Variants in DOK5 observed in about 807,000 individuals in gnomAD.
DOK5 encodes docking protein 5, also known as downstream of tyrosine kinase 5.
In DOK5, 27 loss-of-function variants were observed where a neutral mutation model predicts 43.3. The ratio of observed to expected loss-of-function variants is 0.62; its 90% CI spans 0.46 to 0.86. DOK5 has a LOEUF of 0.86. DOK5 is among the 40% of genes least tolerant of loss of function. The pLI, the probability that DOK5 is intolerant of heterozygous loss-of-function variation, is 0.00. For synonymous variants in DOK5, 146 were observed against 140.1 expected (o/e 1.04, Z -0.30); for missense variants, 373 against 392.9 (o/e 0.95, Z 0.43).
At chr20:54,533,406 A>G (rs1279190044) in intron 1 of DOK5, among the ~76,000 whole-genome samples, 1 of 152,236 alleles carries the variant, frequency 6.6e-6, no homozygotes, top group Non-Finnish European at 1.5e-5. Context: ...GAACTGGATG[A>G]TGTATTATAA....
intron 1 of DOK5, among the ~76,000 whole-genome samples, chr20:54,499,258 C>CT: frequency 6.6e-6 from 1 of 152,330 alleles, no homozygotes; most frequent in East Asian, 1.9e-4. Context: ...TTTTAATTCT[C>CT]TTTTCACTAA....
chr20:54,580,044 C>T (rs1313128676), intron 2 of DOK5, among the ~76,000 whole-genome samples: 1 of 152,068 alleles, frequency 6.6e-6, no homozygotes, highest in East Asian at 1.9e-4. Context: ...GGTTTTCTTT[C>T]TTGTGACAGT....
At position 54,644,878 on chromosome 20, in the gene DOK5, A is replaced by AAAAT. The variant is rs1555839883; in HGVS notation, c.856+1302_856+1303insATAA. Among the ~76,000 whole-genome samples the AAAAT allele has an allele frequency of 1.4e-4, 21 of 151,618 alleles. No individual in the cohort carries two copies. The Middle Eastern group carries it at 0.01, about 74-fold the overall frequency. On this transcript the variant is annotated intron_variant, in intron 7 of 7. Coordinates refer to ENST00000262593, the MANE Select transcript of DOK5 (RefSeq NM_018431.5). The stretch of plus-strand genomic sequence containing the variant: ...AGCAAAACTCCATCTCAAAAAAAAA[A>AAAAT]AATTCTATTTAAACCTATCCTTTCA...
At chr20:54,589,856 C>T (rs1985927480) in intron 4 of DOK5, among the ~76,000 whole-genome samples, 1 of 152,128 alleles carries the variant, frequency 6.6e-6, no homozygotes, top group South Asian at 2.1e-4. Flanking sequence ...ATGTTATTGA[C>T]CGAGACCTAG....
chr20:54,593,464 C>G (rs1295350355), intron 5 of DOK5, among the ~76,000 whole-genome samples: 1 of 152,076 alleles, frequency 6.6e-6, no homozygotes, highest in African/African-American at 2.4e-5. Context: ...AAAGTTATCA[C>G]AAAAAATAAA....
chr20:54,645,927 A>AAAAAAAAAAAAAAAAT (rs1433394752), intron 7 of DOK5, among the ~76,000 whole-genome samples: 11 of 9,286 alleles, frequency 1.2e-3, no homozygotes, highest in African/African-American at 4.7e-3. Context: ...AGATGCTGCA[A>AAAAAAAAAAAAAAAAT]AAAAAAAAAA....
intron 1 of DOK5, among the ~76,000 whole-genome samples, chr20:54,522,119 G>A (rs1983420312): frequency 1.3e-5 from 2 of 152,138 alleles, no homozygotes; most frequent in South Asian, 4.2e-4. Context: ...CACAGACCAG[G>A]GGTGTCTGAT....
intron 1 of DOK5, among the ~76,000 whole-genome samples, chr20:54,500,177 A>T (rs1982543023): frequency 6.6e-6 from 1 of 152,230 alleles, no homozygotes; most frequent in Admixed American, 6.5e-5. Context: ...GAAAAAACAA[A>T]GGAAGAAGAT....
At chr20:54,534,935 C>T (rs748535328) in intron 1 of DOK5, among the ~76,000 whole-genome samples, 35 of 152,166 alleles carry the variant, frequency 2.3e-4, no homozygotes, top group Non-Finnish European at 4.1e-4. Flanking sequence ...CTTCCAGGTT[C>T]AAGCAATTCT....
intron 6 of DOK5, among the ~76,000 whole-genome samples, chr20:54,634,277 A>G (rs896301010): frequency 1.4e-5 from 2 of 144,686 alleles, no homozygotes; most frequent in Non-Finnish European, 3.0e-5. Flanking sequence ...AAGTTTTTAC[A>G]AGGCTTTTAC....
chr20:54,545,318 C>A (rs1984303691), intron 1 of DOK5, among the ~76,000 whole-genome samples: 1 of 152,212 alleles, frequency 6.6e-6, no homozygotes, highest in Non-Finnish European at 1.5e-5. Context: ...CATCTCCACC[C>A]TTGACTTCCA....
chr20:54,547,207 A>T lies in DOK5; in HGVS notation c.67-7726A>T, dbSNP rs113420623. Among the ~76,000 whole-genome samples the T allele has an allele frequency of 8.4e-3, 1,280 of 152,224 alleles. 10 individuals are homozygous for T. Among genetic ancestry groups the T allele is most frequent in the Middle Eastern group, 0.021 (6 of 292 alleles). On this transcript the variant is annotated intron_variant, in intron 1 of 7. Coordinates refer to ENST00000262593, the MANE Select transcript of DOK5 (RefSeq NM_018431.5). ...TATATTCTGTGGCTGCTTTCATGCT[A>T]TATTTGCTGAGTTGAGTAGTTGCAA...
chr20:54,475,896 C>A lies in DOK5; in HGVS notation c.-51C>A. ...ACCCTGCCCTCCACCCTCCCCAGAG[C>A]CACTTCGGGTGCGCGCTCTTGGGTA... is the stretch of plus-strand genomic sequence containing the variant. On this transcript the variant is annotated 5_prime_UTR_variant, in exon 1 of 8. Coordinates refer to ENST00000262593, the MANE Select transcript of DOK5 (RefSeq NM_018431.5). This position sits in a 1 kb window ranked among gnomAD's most constrained non-coding sequence, Gnocchi z 4.2. The A allele has an allele frequency of 7.5e-6, 12 of 1,605,810 alleles. No individual in the cohort carries two copies. Among genetic ancestry groups the A allele is most frequent in the Non-Finnish European group, 1.0e-5 (12 of 1,176,846 alleles).
At chr20:54,551,602 G>A (rs370904225) in intron 1 of DOK5, among the ~76,000 whole-genome samples, 157 of 152,128 alleles carry the variant, frequency 1.0e-3, no homozygotes, top group African/African-American at 3.5e-3. Flanking sequence ...TTAAGTCGAC[G>A]ATTTTTCCAC....
chr20:54,636,726 C>G (rs1285576966), intron 6 of DOK5, among the ~76,000 whole-genome samples: 1 of 152,198 alleles, frequency 6.6e-6, no homozygotes, highest in East Asian at 1.9e-4. Context: ...TGTCTGACCT[C>G]ACATCAATTA....
intron 2 of DOK5, among the ~76,000 whole-genome samples, chr20:54,573,686 C>CAAAA (rs1321685949): frequency 5.9e-5 from 3 of 50,952 alleles, no homozygotes; most frequent in Non-Finnish European, 8.3e-5. Context: ...GACTCCATCT[C>CAAAA]AAAAAAAAAA....
intron 2 of DOK5, among the ~76,000 whole-genome samples, chr20:54,556,615 G>T (rs1250856954): frequency 6.6e-6 from 1 of 152,068 alleles, no homozygotes; most frequent in East Asian, 1.9e-4. Flanking sequence ...CTTTATTTTT[G>T]CTAGAACAGC....
chr20:54,600,362 A>G (rs941146537), intron 5 of DOK5, among the ~76,000 whole-genome samples: 3 of 152,110 alleles, frequency 2.0e-5, no homozygotes, highest in Non-Finnish European at 4.4e-5. Context: ...GATGGCTCTC[A>G]CTTCTGACAC....
rs145815285 is a variant in DOK5, at chr20:54,628,224, A to G, written c.736-15234A>G. On this transcript the variant is annotated intron_variant, in intron 6 of 7. Transcript: ENST00000262593. Reference sequence around the variant, plus strand: ...TGGAGAAAATTGGATCCTGTTAAGAATTCATTCTTCCTTCTCTACTAAAAA... The same window carrying G: ...TGGAGAAAATTGGATCCTGTTAAGAGTTCATTCTTCCTTCTCTACTAAAAA... Among the ~76,000 whole-genome samples, 1,207 of 152,016 alleles carry G rather than the reference A, an allele frequency of 7.9e-3. 24 individuals are homozygous for G. Among genetic ancestry groups the G allele is most frequent in the African/African-American group, 0.027 (1,103 of 41,442 alleles).
Sources: gnomAD v4.1 joint callset for allele counts (sites outside exome capture counted in the v4.1 genomes callset) on GRCh38, gnomAD v4.1.1 for gene constraint, Gnocchi (gnomAD v3.1) non-coding constraint, MANE v1.5 for transcripts, NCBI Gene and HGNC (gene_info 2026-07-23, HGNC 2026-07-21) for gene names.